Variants in CHST9 observed in about 807,000 individuals in gnomAD.
CHST9 encodes carbohydrate sulfotransferase 9.
Under a neutral mutation model 44.4 loss-of-function variants are expected in CHST9, and 41 were observed. The ratio of observed to expected loss-of-function variants is 0.92; its 90% CI spans 0.72 to 1.20. The LOEUF (loss-of-function observed/expected upper bound fraction) is 1.20. Among genes scored for constraint, CHST9 ranks in the 50% most tolerant of loss-of-function variants. CHST9 has a pLI of 0.00. For missense variants in CHST9, 504 were observed against 516.5 expected, an observed-to-expected ratio of 0.98 and a Z score of 0.23; for synonymous variants, 171 against 178.4, an observed-to-expected ratio of 0.96 and a Z score of 0.33.
chr18:27,178,463 A>G (rs553654122), intron 1 of CHST9, among the ~76,000 whole-genome samples: 182 of 152,134 alleles, frequency 1.2e-3, no homozygotes, highest in African/African-American at 4.2e-3. Flanking sequence ...TGTAGCTAAC[A>G]CTCAAATTAC....
At chr18:27,003,337 A>G (rs2056975189) in intron 4 of CHST9, among the ~76,000 whole-genome samples, 2 of 152,172 alleles carry the variant, frequency 1.3e-5, no homozygotes, top group Admixed American at 1.3e-4. Flanking sequence ...CCACCATTTC[A>G]TTATTCAAGA....
chr18:27,164,758 A>G (rs942579485), intron 1 of CHST9, among the ~76,000 whole-genome samples: 1 of 152,254 alleles, frequency 6.6e-6, no homozygotes, highest in African/African-American at 2.4e-5. Context: ...ATCAAGAATC[A>G]AAATTGTGTT....
chr18:26,919,948 CAGGACATCACCCAGCAA>C (rs2055616777), intron 5 of CHST9, among the ~76,000 whole-genome samples: 1 of 152,158 alleles, frequency 6.6e-6, no homozygotes, highest in African/African-American at 2.4e-5. Context: ...CGGCTGCTTC[CAGGACATCACCCAGCAA>C]AGCCCTCTGC....
chr18:27,169,639 T>G (rs1006229141), intron 1 of CHST9, among the ~76,000 whole-genome samples: 44 of 127,244 alleles, frequency 3.5e-4, no homozygotes, highest in African/African-American at 1.2e-3. Context: ...AGAGTCTCAC[T>G]CATTGCCCAG....
chr18:27,082,795 G>A (rs1006406853), intron 2 of CHST9, among the ~76,000 whole-genome samples: 10 of 152,096 alleles, frequency 6.6e-5, no homozygotes, highest in Non-Finnish European at 1.5e-4. Flanking sequence ...CCTTTGATAC[G>A]TCCAGCTGAA....
chr18:26,945,553 T>C (rs1363239418), intron 4 of CHST9, among the ~76,000 whole-genome samples: 1 of 152,220 alleles, frequency 6.6e-6, no homozygotes, highest in Non-Finnish European at 1.5e-5. Context: ...TTCCTCGGCA[T>C]ACTTCTCTGG....
At chr18:27,065,717 T>C (rs2057775316) in intron 2 of CHST9, among the ~76,000 whole-genome samples, 1 of 151,816 alleles carries the variant, frequency 6.6e-6, no homozygotes, top group South Asian at 2.1e-4. Context: ...TAAGGAAGGA[T>C]ACAATCAATA....
At chr18:27,127,398 T>C (rs1337099235) in intron 2 of CHST9, among the ~76,000 whole-genome samples, 1 of 152,176 alleles carries the variant, frequency 6.6e-6, no homozygotes, top group African/African-American at 2.4e-5. Flanking sequence ...CAGTATCTAA[T>C]GCTGCACAGA....
intron 2 of CHST9, among the ~76,000 whole-genome samples, chr18:27,114,879 G>A (rs2058306659): frequency 2.0e-5 from 3 of 152,064 alleles, no homozygotes; most frequent in Non-Finnish European, 2.9e-5. Context: ...ATGTGATTTG[G>A]CTGTGTCCCC....
chr18:27,100,774 T>C (rs2058163795), intron 2 of CHST9, among the ~76,000 whole-genome samples: 2 of 152,302 alleles, frequency 1.3e-5, no homozygotes, highest in East Asian at 1.9e-4. Flanking sequence ...AGAAAATCAA[T>C]GTAGTGGCCT....
chr18:27,020,195 C>T (rs1032370550), intron 4 of CHST9, among the ~76,000 whole-genome samples: 4 of 152,188 alleles, frequency 2.6e-5, no homozygotes, highest in Non-Finnish European at 5.9e-5. Flanking sequence ...TTAGGAGACA[C>T]ATTACTTGGT....
At chr18:26,950,400 T>C (rs948852685) in intron 4 of CHST9, among the ~76,000 whole-genome samples, 1 of 152,218 alleles carries the variant, frequency 6.6e-6, no homozygotes, top group Non-Finnish European at 1.5e-5. Context: ...ACTTTCATTA[T>C]ATAAAAAAGA....
intron 3 of CHST9, among the ~76,000 whole-genome samples, chr18:27,033,054 T>A (rs997666727): frequency 6.6e-6 from 1 of 152,226 alleles, no homozygotes; most frequent in Non-Finnish European, 1.5e-5. Context: ...AAGCAGGTGT[T>A]CCCAGGGCTT....
intron 2 of CHST9, among the ~76,000 whole-genome samples, chr18:27,099,944 A>G (rs1375955767): frequency 4.6e-5 from 7 of 152,088 alleles, no homozygotes; most frequent in Non-Finnish European, 1.0e-4. Context: ...TGCACTATTC[A>G]CAATAGCAAA....
At chr18:27,117,827 G>C (rs867228726) in intron 2 of CHST9, among the ~76,000 whole-genome samples, 2 of 152,100 alleles carry the variant, frequency 1.3e-5, no homozygotes, top group Non-Finnish European at 2.9e-5. Flanking sequence ...TGCAAGTTTT[G>C]ATAATTATGA....
In CHST9 at chr18:27,101,104, T is replaced by C. The variant is rs576842326; in HGVS notation, c.121+41585A>G. On this transcript the variant is annotated intron_variant, in intron 2 of 5. Transcript: ENST00000618847. Reference sequence around the variant, plus strand: ...TAAACTCTTGTTCTGCACACCCTAATCTGTCAATTTATTAACACAGGAATC... The same window carrying C: ...TAAACTCTTGTTCTGCACACCCTAACCTGTCAATTTATTAACACAGGAATC... 7.9e-5 allele frequency among the ~76,000 whole-genome samples: 12 copies of C among 152,308 alleles called. No homozygotes were observed. In the East Asian group the frequency reaches 2.3e-3, roughly 29 times the overall value.
chr18:27,084,489 G>T, intron 2 of CHST9, among the ~76,000 whole-genome samples: 2 of 148,150 alleles, frequency 1.3e-5, no homozygotes, highest in Admixed American at 6.7e-5. Context: ...TGGGGTTGCT[G>T]GTAATGCCCC....
chr18:27,184,350 T>G (rs1442761006), intron 1 of CHST9, among the ~76,000 whole-genome samples: 1 of 152,190 alleles, frequency 6.6e-6, no homozygotes, highest in African/African-American at 2.4e-5. Flanking sequence ...AAATAACTCC[T>G]GACAGACATC....
At chr18:26,947,687 A>G (rs887248308) in intron 4 of CHST9, among the ~76,000 whole-genome samples, 1 of 152,228 alleles carries the variant, frequency 6.6e-6, no homozygotes, top group Non-Finnish European at 1.5e-5. Flanking sequence ...GCAAATGAAA[A>G]CCACAATGAG....
Sources: allele counts gnomAD v4.1 joint callset (sites outside exome capture counted in the v4.1 genomes callset), GRCh38; gene constraint gnomAD v4.1.1; transcripts MANE v1.5; gene names NCBI Gene and HGNC (gene_info 2026-07-23, HGNC 2026-07-21).